CARMIL3: variants seen among roughly 807,000 people sequenced by gnomAD.
CARMIL3 encodes the protein capping protein, Arp2/3 and myosin-I linker protein 3.
Under a neutral mutation model 180.8 loss-of-function variants are expected in CARMIL3, and 88 were observed. That is an observed-to-expected ratio of 0.49 (90% CI 0.41 to 0.58). The LOEUF (loss-of-function observed/expected upper bound fraction) is 0.58, where lower values mean the gene tolerates loss of function less well. Among genes scored for constraint, CARMIL3 ranks in the 20% least tolerant of loss-of-function variants. CARMIL3 has a pLI of 0.00. For synonymous variants in CARMIL3, 696 were observed against 714.5 expected, an observed-to-expected ratio of 0.97 and a Z score of 0.41; for missense variants, 1,548 against 1,787.0, an observed-to-expected ratio of 0.87 and a Z score of 2.41.
chr14:24,062,912 G>C, intron 29 of CARMIL3, 66 bp downstream of exon 29: 2 of 1,557,666 alleles, frequency 1.3e-6, no homozygotes, highest in Non-Finnish European at 1.7e-6. Context: ...GCACAACACT[G>C]TCCCCTTCCA....
chr14:24,068,680 C>T lies in CARMIL3; in HGVS notation c.3779C>T (p.Thr1260Ile). The part of the protein sequence containing the change: ...EKEGTLFPER[T>I]LPARNAKLQD... Reference sequence around the variant, plus strand: ...GAGGGGACCCTCTTCCCAGAGAGGACACTTCCAGCTAGGAATGCCAAGGTG... The same window carrying T: ...GAGGGGACCCTCTTCCCAGAGAGGATACTTCCAGCTAGGAATGCCAAGGTG... The change falls in exon 37 of 40, where the codon ACA becomes ATA. Residue 1260 changes from threonine (T) to isoleucine (I), a missense_variant. Physicochemically the swap from Thr to Ile is moderately conservative, Grantham distance 89. Coordinates refer to ENST00000342740, the MANE Select transcript of CARMIL3 (RefSeq NM_138360.4). 1 of 1,613,798 alleles carries T rather than the reference C, an allele frequency of 6.2e-7. No homozygotes were observed. Among genetic ancestry groups the T allele is most frequent in the Non-Finnish European group, 8.5e-7 (1 of 1,179,848 alleles).
chr14:24,053,497 C>T (rs1322487284), intron 1 of CARMIL3, among the ~76,000 whole-genome samples: 2 of 152,262 alleles, frequency 1.3e-5, no homozygotes, highest in African/African-American at 4.8e-5. Flanking sequence ...CCACACCCTA[C>T]TCCCTCTCTA....
At chr14:24,065,901 A>G (rs769848982) in intron 34 of CARMIL3, 151 bp downstream of exon 34, 82 of 1,136,104 alleles carry the variant, frequency 7.2e-5, no homozygotes, top group Non-Finnish European at 9.7e-5. Flanking sequence ...CCCACCACAC[A>G]CTTGCCGTGG....
At chr14:24,064,902 C>A in intron 32 of CARMIL3, 56 bp from the exon 33 acceptor site, 1 of 1,563,316 alleles carries the variant, frequency 6.4e-7, no homozygotes, top group Non-Finnish European at 8.7e-7. Context: ...GTTTATCAGA[C>A]CCAGGATTGA....
rs1252113800 is a variant in CARMIL3, at chr14:24,059,617, G to A, written c.1800-47G>A. ...AGGTTTGTGTCCCTGGCCCCTAGTA[G>A]GGACCCAGGAGGAGAGGTGCCAAAC... On this transcript the variant is annotated intron_variant, in intron 21 of 39. Coordinates refer to ENST00000342740, the MANE Select transcript of CARMIL3 (RefSeq NM_138360.4). This position sits in a 1 kb window ranked among gnomAD's most constrained non-coding sequence, Gnocchi z 6.3. 6.2e-7 allele frequency: 1 copy of A among 1,602,982 alleles called. No homozygotes were observed. The highest frequency in any genetic ancestry group is 8.5e-7 in the Non-Finnish European group (1 of 1,171,352).
rs1415072334 is a variant in CARMIL3, at chr14:24,056,919, C to T, written c.957C>T (p.Leu319=). 6.2e-7 allele frequency: 1 copy of T among 1,613,946 alleles called. No individual in the cohort carries two copies. Among genetic ancestry groups the T allele is most frequent in the African/African-American group, 1.3e-5 (1 of 75,034 alleles). The part of the protein sequence containing the change: ...LAKTAISPRG[L]QALGQTFGAN... ...CCCAGTGCCCGCTGTGCTCAGGGCT[C>T]CAGGCACTCGGCCAGACCTTCGGGG... The change falls in exon 13 of 40, where the codon CTC becomes CTT. Residue 319 remains leucine (L), a synonymous_variant. Transcript: ENST00000342740.
At position 24,066,616 on chromosome 14, in the gene CARMIL3, C is replaced by G; in HGVS notation, c.3642C>G (p.Ser1214Arg). Residue 1214 changes from serine (S) to arginine (R), a missense_variant, in exon 36 of 40, where the codon AGC becomes AGG. Physicochemically the swap from Ser to Arg is moderately radical, Grantham distance 110. Around this residue, in one of 4 missense-constraint regions of CARMIL3, gnomAD observed 668 missense variants for 687.8 expected, o/e 0.97. Transcript: ENST00000342740. ...PPPPPQSTKP[S>R]FSAMRRAEAT... ...CACCGCCCCAAAGCACCAAACCAAG[C>G]TTCAGCGCCATGCGCAGAGCAGAGG... The G allele has an allele frequency of 6.2e-7, 1 of 1,614,242 alleles. No homozygotes were observed. Among genetic ancestry groups the G allele is most frequent in the South Asian group, 1.1e-5 (1 of 91,086 alleles).
intron 38 of CARMIL3, 58 bp downstream of exon 38, chr14:24,069,024 A>G: frequency 1.3e-6 from 2 of 1,563,526 alleles, no homozygotes; most frequent in South Asian, 2.4e-5. Flanking sequence ...TGCTGTCCAC[A>G]TCAGGTCCTC....
chr14:24,057,039 CA>C lies in CARMIL3; in HGVS notation c.1062+16del. ...ATGAGGCCAATGTGAGTCCTCAGAA[CA>C]GCCTCAGCCCCCTGCAGAAAGCATG... On this transcript the variant is annotated intron_variant, in intron 13 of 39. Coordinates refer to ENST00000342740, the MANE Select transcript of CARMIL3 (RefSeq NM_138360.4). 1 of 1,609,692 alleles carries C rather than the reference CA, an allele frequency of 6.2e-7. No individual in the cohort carries two copies.
chr14:24,069,222 T>G lies in CARMIL3; in HGVS notation c.4068T>G (p.Asp1356Glu), dbSNP rs753100875. 5.0e-6 allele frequency: 8 copies of G among 1,613,986 alleles called. No homozygotes were observed. The East Asian group carries it at 1.6e-4, about 31-fold the overall frequency. The change falls in exon 39 of 40, where the codon GAT becomes GAG. Residue 1356 changes from aspartate (D) to glutamate (E), a missense_variant. Around this residue, in one of 4 missense-constraint regions of CARMIL3, gnomAD observed 668 missense variants for 687.8 expected, o/e 0.97. Coordinates refer to ENST00000342740, the MANE Select transcript of CARMIL3 (RefSeq NM_138360.4). ...AGTCCTGTGACAAGCTGGAACCTGA[T>G]AGAAGACGGCCTCCTGACCCCACAG... is the stretch of plus-strand genomic sequence containing the variant. ...RAQSCDKLEP[D>E]RRRPPDPTGT... is the part of the protein sequence containing the mutation.
In CARMIL3 at chr14:24,065,114, C is replaced by CCCCG; in HGVS notation, c.3239_3240insCGCC (p.Pro1081AlafsTer15). On this transcript the variant is annotated frameshift_variant, in exon 33 of 40. Transcript: ENST00000342740. LOFTEE classifies it high-confidence loss of function. ...GGTCCCCTACCACTGGACTCCTCCT[C>CCCCG]CCTCCACCCCCACCCCCTCCCCCGA... The CCCCG allele has an allele frequency of 8.6e-7, 1 of 1,160,970 alleles. No homozygotes were observed. The highest frequency in any genetic ancestry group is 1.2e-6 in the Non-Finnish European group (1 of 844,176). 71.9% of individuals were successfully genotyped at this position (1,160,970 alleles called of 1,614,324 possible). A position where few individuals can be genotyped will look rare whatever the true frequency, so the allele number is the denominator to read the frequency against.
chr14:24,060,814 C>T lies in CARMIL3; in HGVS notation c.2190+58C>T, dbSNP rs112267258. 3.8e-4 allele frequency: 603 copies of T among 1,580,094 alleles called. 2 individuals are homozygous for T. The African/African-American group carries it at 7.0e-3, about 18-fold the overall frequency. On this transcript the variant is annotated intron_variant, in intron 25 of 39. Coordinates refer to ENST00000342740, the MANE Select transcript of CARMIL3 (RefSeq NM_138360.4). ...GTCTGGAGAACCCAAGAAGGCCGACCATGCTAAGCCATGACAGCCCTGCCC... is the reference window on the plus strand; with the variant it reads ...GTCTGGAGAACCCAAGAAGGCCGACTATGCTAAGCCATGACAGCCCTGCCC...
rs1253774287 is a variant in CARMIL3 at position 24,060,981 on chromosome 14, C to T, written c.2245C>T (p.Arg749Trp). Residue 749 changes from arginine to tryptophan, a missense_variant, in exon 26 of 40, where the codon CGG (arginine) becomes TGG (tryptophan). Coordinates refer to ENST00000342740, the MANE Select transcript of CARMIL3 (RefSeq NM_138360.4). ...GHVLANDGPV[R>W]QRLESVASEV... ...CGTGCTGGCCAATGATGGGCCTGTG[C>T]GGCAGAGGCTGGAATCAGTAGCAAG... 9 of 1,551,586 alleles carry T rather than the reference C, an allele frequency of 5.8e-6. No homozygotes were observed. The East Asian group carries it at 7.3e-5, about 13-fold the overall frequency.
rs981545577 is a variant in CARMIL3, at chr14:24,058,781, T to A, written c.1474+20T>A. 1 of 1,613,792 alleles carries A rather than the reference T, an allele frequency of 6.2e-7. No individual in the cohort carries two copies. Among genetic ancestry groups the A allele is most frequent in the Non-Finnish European group, 8.5e-7 (1 of 1,179,708 alleles). On this transcript the variant is annotated intron_variant, in intron 18 of 39. Coordinates refer to ENST00000342740, the MANE Select transcript of CARMIL3 (RefSeq NM_138360.4). This position sits in a 1 kb window ranked among gnomAD's most constrained non-coding sequence, Gnocchi z 6.4. Reference sequence around the variant, plus strand: ...ACAATGGTGAGTAGTGGTTCCTCCCTTCCCTGGGGCCAGGGGAGAACAGGG... The same window carrying A: ...ACAATGGTGAGTAGTGGTTCCTCCCATCCCTGGGGCCAGGGGAGAACAGGG...
At chr14:24,066,304 G>T (rs2035785972) in intron 34 of CARMIL3, 94 bp from the exon 35 acceptor site, 2 of 1,420,280 alleles carry the variant, frequency 1.4e-6, no homozygotes, top group African/African-American at 2.8e-5. Flanking sequence ...AATGACATGA[G>T]AATGACATGG....
intron 27 of CARMIL3, 178 bp from the exon 28 acceptor site, chr14:24,062,302 T>C (rs2035740261): frequency 1.5e-6 from 1 of 658,914 alleles, no homozygotes; most frequent in Non-Finnish European, 2.7e-6. Flanking sequence ...AGACGTGTAT[T>C]TGTGGAGAAA....
At position 24,054,154 on chromosome 14, in the gene CARMIL3, G is replaced by C; in HGVS notation, c.186+16G>C. The stretch of plus-strand genomic sequence containing the variant: ...CCCGGCCAAGGTGAGTTGGGCTGAG[G>C]AGCAGGAGAGCACCTGGCATGCTCC... On this transcript the variant is annotated intron_variant, in intron 3 of 39. Transcript: ENST00000342740. This position sits in a 1 kb window ranked among gnomAD's most constrained non-coding sequence, Gnocchi z 5.1. The C allele has an allele frequency of 6.2e-7, 1 of 1,614,180 alleles. No individual in the cohort carries two copies.
intron 11 of CARMIL3, 101 bp from the exon 12 acceptor site, chr14:24,056,521 A>T (rs771353660): frequency 1.4e-6 from 2 of 1,465,490 alleles, no homozygotes; most frequent in Non-Finnish European, 1.9e-6. Context: ...TCCATCCTTG[A>T]CCCAAGGCCT....
intron 1 of CARMIL3, among the ~76,000 whole-genome samples, chr14:24,053,267 C>T (rs1024231483): frequency 2.6e-5 from 4 of 152,120 alleles, no homozygotes; most frequent in Non-Finnish European, 5.9e-5. Flanking sequence ...GGCATGCACA[C>T]TCTCATAGTA....
Sources: allele counts gnomAD v4.1 joint callset (sites outside exome capture counted in the v4.1 genomes callset), GRCh38; gene constraint gnomAD v4.1.1; regional missense constraint gnomAD v4.1.1; non-coding constraint Gnocchi (gnomAD v3.1); transcripts MANE v1.5; gene names NCBI Gene and HGNC (gene_info 2026-07-23, HGNC 2026-07-21).